AQR: variants seen among roughly 807,000 people sequenced by gnomAD.
The protein encoded by AQR is RNA helicase aquarius.
A neutral mutation model predicts 180.5 loss-of-function variants in AQR; 61 were observed. That is an observed-to-expected ratio of 0.34 (90% CI 0.28 to 0.42). The LOEUF (loss-of-function observed/expected upper bound fraction) is 0.42. Ranked by LOEUF, AQR falls within the 10% of genes least tolerant of loss-of-function variation. The pLI, the probability that AQR is intolerant of heterozygous loss-of-function variation, is 1.00. For synonymous variants in AQR, 551 were observed against 588.8 expected (o/e 0.94, Z 0.93); for missense variants, 1,281 against 1,798.3 (o/e 0.71, Z 5.20).
At position 34,855,624 on chromosome 15, in the gene AQR, T is replaced by C. The variant is rs2140454423; in HGVS notation, c.*1168A>G. The C allele has an allele frequency of 6.6e-6, 1 of 151,986 alleles. No individual in the cohort carries two copies. Among genetic ancestry groups the C allele is most frequent in the African/African-American group, 2.4e-5 (1 of 41,446 alleles). The allele number at this position is 151,986 out of a possible 1,614,324, so 9.4% of individuals were successfully genotyped here. On this transcript the variant is annotated 3_prime_UTR_variant, in exon 35 of 35. Transcript: ENST00000156471. Reference sequence around the variant, plus strand: ...AGAAAACATTAGTCACATTCACTGGTAATTCTACATTATAGCCTCATTCAT... The same window carrying C: ...AGAAAACATTAGTCACATTCACTGGCAATTCTACATTATAGCCTCATTCAT...
At chr15:34,880,588 G>C (rs1436022151) in intron 27 of AQR, among the ~76,000 whole-genome samples, 2 of 152,150 alleles carry the variant, frequency 1.3e-5, no homozygotes, top group African/African-American at 4.8e-5. Context: ...GTGCATGAAA[G>C]GACAACTAAT....
intron 6 of AQR, among the ~76,000 whole-genome samples, chr15:34,942,716 A>G (rs140370938): frequency 2.6e-4 from 39 of 152,364 alleles, no homozygotes; most frequent in African/African-American, 8.9e-4. Context: ...AGAAACACAC[A>G]TAAAATAAGG....
intron 9 of AQR, among the ~76,000 whole-genome samples, chr15:34,936,655 G>A (rs1290223509): frequency 6.6e-6 from 1 of 151,842 alleles, no homozygotes; most frequent in Non-Finnish European, 1.5e-5. Flanking sequence ...GGCAGAAGTT[G>A]CAGTGAGCTG....
At chr15:34,907,589 T>A (rs1365505069) in intron 17 of AQR, among the ~76,000 whole-genome samples, 1 of 152,194 alleles carries the variant, frequency 6.6e-6, no homozygotes, top group Non-Finnish European at 1.5e-5. Flanking sequence ...CTGAAAATAT[T>A]TTGGTTTGTT....
chr15:34,918,329 A>G lies in AQR; in HGVS notation c.1271T>C (p.Met424Thr). The G allele has an allele frequency of 6.2e-7, 1 of 1,613,864 alleles. No individual in the cohort carries two copies. The highest frequency in any genetic ancestry group is 8.5e-7 in the Non-Finnish European group (1 of 1,179,852). The change falls in exon 15 of 35, where the codon ATG becomes ACG. Residue 424 changes from methionine (M) to threonine (T), a missense_variant. By Grantham distance (81) the Met-to-Thr change is moderately conservative (BLOSUM62 -1). Coordinates refer to ENST00000156471, the MANE Select transcript of AQR (RefSeq NM_014691.3). ...AATTTTCTCAGTTGGATACAAAGGC[A>G]TCTGGTTCAACTGCTGAATCTGAGA... is the stretch of plus-strand genomic sequence containing the variant. The part of the protein sequence containing the change: ...RISQIQQLNQ[M>T]PLYPTEKIIW...
At chr15:34,882,013 CCAGGCTGGT>C (rs1428667275) in intron 27 of AQR, among the ~76,000 whole-genome samples, 1 of 152,098 alleles carries the variant, frequency 6.6e-6, no homozygotes, top group Non-Finnish European at 1.5e-5. Flanking sequence ...ACCATGCTGG[CCAGGCTGGT>C]CTCAAACTCC....
At chr15:34,904,243 C>T (rs1893377272) in intron 19 of AQR, 93 bp downstream of exon 19, 1 of 910,046 alleles carries the variant, frequency 1.1e-6, no homozygotes, top group African/African-American at 1.7e-5. Flanking sequence ...TTTTTCTTAA[C>T]AAATCTTCCT....
intron 9 of AQR, among the ~76,000 whole-genome samples, chr15:34,936,967 T>G (rs374821058): frequency 6.6e-6 from 1 of 152,188 alleles, no homozygotes; most frequent in Non-Finnish European, 1.5e-5. Context: ...CTTTCCAGGT[T>G]TGAAGGCACT....
At chr15:34,915,561 A>C (rs890631769) in intron 15 of AQR, among the ~76,000 whole-genome samples, 2 of 152,126 alleles carry the variant, frequency 1.3e-5, no homozygotes, top group Non-Finnish European at 2.9e-5. Flanking sequence ...TAAGAATCTA[A>C]TGAATGCCTG....
At chr15:34,901,354 TATTAAA>T (rs781385790) in intron 19 of AQR, among the ~76,000 whole-genome samples, 8 of 151,992 alleles carry the variant, frequency 5.3e-5, no homozygotes, top group Non-Finnish European at 1.0e-4. Flanking sequence ...AACTTAGAAA[TATTAAA>T]ATTAAGACTG....
chr15:34,966,466 C>A (rs181728723), intron 1 of AQR, among the ~76,000 whole-genome samples: 1 of 152,284 alleles, frequency 6.6e-6, no homozygotes, highest in Non-Finnish European at 1.5e-5. Context: ...AAATTCTTTC[C>A]TTCAACAAAG....
At chr15:34,935,338 G>A (rs2140494036) in intron 9 of AQR, among the ~76,000 whole-genome samples, 1 of 152,044 alleles carries the variant, frequency 6.6e-6, no homozygotes, top group African/African-American at 2.4e-5. Context: ...GCCAGGAAAT[G>A]GTCTACCATT....
chr15:34,886,485 T>C (rs761263825), intron 25 of AQR, 41 bp downstream of exon 25: 2 of 1,562,870 alleles, frequency 1.3e-6, no homozygotes, highest in East Asian at 2.3e-5. Flanking sequence ...CTGGGGTTCA[T>C]ATTATGATGA....
chr15:34,946,145 C>T (rs975961484), intron 5 of AQR, among the ~76,000 whole-genome samples: 3 of 152,106 alleles, frequency 2.0e-5, no homozygotes, highest in Admixed American at 2.0e-4. Flanking sequence ...GTGGCGGGCA[C>T]CTGTAATCCC....
chr15:34,967,521 T>C (rs548057576), intron 1 of AQR, among the ~76,000 whole-genome samples: 1 of 152,244 alleles, frequency 6.6e-6, no homozygotes, highest in African/African-American at 2.4e-5. Context: ...TAATCTCGTT[T>C]AAGTTGTCAG....
chr15:34,960,802 T>C lies in AQR; in HGVS notation c.145A>G (p.Ile49Val), dbSNP rs763132026. 2.2e-6 allele frequency: 2 copies of C among 900,738 alleles called. No individual in the cohort carries two copies. The highest frequency in any genetic ancestry group is 3.4e-6 in the Non-Finnish European group (2 of 590,490). The allele number at this position is 900,738 out of a possible 1,614,324, so 55.8% of individuals were successfully genotyped here. A position where few individuals can be genotyped will look rare whatever the true frequency, so the allele number is the denominator to read the frequency against. Reference protein sequence around the residue: ...SPFDIKVIEDIYEKEIVKSRF... With the variant: ...SPFDIKVIEDVYEKEIVKSRF... ...GATTTGACAATCTCTTTTTCATATA[T>C]ATCTTCAATAACCTGTTATAAAAAT... is the stretch of plus-strand genomic sequence containing the variant. The change falls in exon 3 of 35, where the codon ATA (isoleucine) becomes GTA (valine). Residue 49 changes from isoleucine to valine, a missense_variant. Coordinates refer to ENST00000156471, the MANE Select transcript of AQR (RefSeq NM_014691.3).
chr15:34,866,229 G>A (rs1892736776), intron 32 of AQR, among the ~76,000 whole-genome samples: 1 of 152,064 alleles, frequency 6.6e-6, no homozygotes, highest in East Asian at 1.9e-4. Context: ...AGATACCTAG[G>A]CTAAGCTACC....
rs992220683 is a variant in AQR, at chr15:34,851,852, T to A, written c.*4940A>T. On this transcript the variant is annotated 3_prime_UTR_variant, in exon 35 of 35. Transcript: ENST00000156471. ...AAACTTAGTGTGAAATTCTGGAGTC[T>A]AAAATTAAAATGTAAACAGAGAATG... The A allele has an allele frequency of 4.6e-5, 7 of 152,230 alleles. No homozygotes were observed. The highest frequency in any genetic ancestry group is 4.6e-4 in the Admixed American group (7 of 15,282). The allele number at this position is 152,230 out of a possible 1,614,324, so 9.4% of individuals were successfully genotyped here. A position where few individuals can be genotyped will look rare whatever the true frequency, so the allele number is the denominator to read the frequency against.
At chr15:34,930,523 T>C in intron 11 of AQR, 152 bp from the exon 12 acceptor site, 2 of 540,702 alleles carry the variant, frequency 3.7e-6, no homozygotes, top group South Asian at 2.9e-5. Flanking sequence ...TTAGAACATA[T>C]CCAACTAAAA....
Sources: allele counts gnomAD v4.1 joint callset (sites outside exome capture counted in the v4.1 genomes callset), GRCh38; gene constraint gnomAD v4.1.1; transcripts MANE v1.5; gene names NCBI Gene and HGNC (gene_info 2026-07-23, HGNC 2026-07-21).